Variants in DLGAP2 observed in about 807,000 individuals in gnomAD.
The protein encoded by DLGAP2 is DLG associated protein 2.
DLGAP2 carries 26 observed loss-of-function variants against 100.3 expected under a neutral mutation model. The ratio of observed to expected loss-of-function variants is 0.26; its 90% CI spans 0.19 to 0.36. DLGAP2 has a LOEUF of 0.36. Ranked by LOEUF, DLGAP2 falls within the 10% of genes least tolerant of loss-of-function variation. The pLI is 1.00. For missense variants in DLGAP2, 1,858 were observed against 1,453.2 expected (o/e 1.28, Z -4.53); for synonymous variants, 886 against 630.1 (o/e 1.41, Z -6.08).
At chr8:1,441,566 T>C (rs1225128666) in intron 3 of DLGAP2, among the ~76,000 whole-genome samples, 1 of 151,400 alleles carries the variant, frequency 6.6e-6, no homozygotes, top group Non-Finnish European at 1.5e-5. Context: ...TGGGCACCTG[T>C]GGTCCCAGCT....
chr8:764,864 A>T lies in DLGAP2; in HGVS notation c.18+27039A>T, dbSNP rs1342681270. 3.9e-5 allele frequency among the ~76,000 whole-genome samples: 6 copies of T among 152,314 alleles called. No individual in the cohort carries two copies. In the East Asian group the frequency reaches 9.6e-4, roughly 24 times the overall value. ...GAACTTTAAAAAAATTTGTACCAAA[A>T]TTTACCTATAAATCCAGATGTTTCA... On this transcript the variant is annotated intron_variant, in intron 1 of 14. Transcript: ENST00000637795.
chr8:1,656,585 C>T (rs1798290371), intron 8 of DLGAP2, among the ~76,000 whole-genome samples: 1 of 152,186 alleles, frequency 6.6e-6, no homozygotes, highest in African/African-American at 2.4e-5. Context: ...GGCTCAATTC[C>T]AGATACATCT....
At chr8:1,364,416 C>G (rs538441504) in intron 3 of DLGAP2, among the ~76,000 whole-genome samples, 2 of 152,048 alleles carry the variant, frequency 1.3e-5, no homozygotes, top group Non-Finnish European at 2.9e-5. Context: ...GCCTGGGGGC[C>G]TCCTCCACCC....
intron 1 of DLGAP2, among the ~76,000 whole-genome samples, chr8:877,796 G>T (rs935597181): frequency 6.6e-6 from 1 of 152,138 alleles, no homozygotes; most frequent in African/African-American, 2.4e-5. Context: ...ATGAGGTTTG[G>T]CTCCTTTGGA....
intron 3 of DLGAP2, among the ~76,000 whole-genome samples, chr8:1,288,977 A>C (rs1274320855): frequency 6.6e-6 from 1 of 152,220 alleles, no homozygotes; most frequent in African/African-American, 2.4e-5. Flanking sequence ...TTTATGCATT[A>C]GAGTTACTGA....
At chr8:1,441,837 G>T (rs1360741152) in intron 3 of DLGAP2, among the ~76,000 whole-genome samples, 1 of 151,354 alleles carries the variant, frequency 6.6e-6, no homozygotes, top group African/African-American at 2.4e-5. Context: ...GGATGTGCAG[G>T]ACATGCAGGT....
At chr8:776,681 G>A (rs1013612867) in intron 1 of DLGAP2, among the ~76,000 whole-genome samples, 4 of 152,202 alleles carry the variant, frequency 2.6e-5, no homozygotes, top group African/African-American at 9.7e-5. Flanking sequence ...TCTTAATCCT[G>A]ACTTCTAGTT....
At chr8:765,284 T>G (rs1283581893) in intron 1 of DLGAP2, among the ~76,000 whole-genome samples, 1 of 152,254 alleles carries the variant, frequency 6.6e-6, no homozygotes, top group Non-Finnish European at 1.5e-5. Flanking sequence ...TAAAATGATC[T>G]GATAATGTAT....
intron 2 of DLGAP2, among the ~76,000 whole-genome samples, chr8:1,074,189 G>A (rs532134325): frequency 4.7e-5 from 7 of 148,416 alleles, no homozygotes; most frequent in African/African-American, 1.8e-4. Context: ...TAACAGAAGG[G>A]TTTGCAGCAG....
intron 4 of DLGAP2, among the ~76,000 whole-genome samples, chr8:1,509,811 C>T (rs1190751072): frequency 6.6e-6 from 1 of 152,156 alleles, no homozygotes; most frequent in Non-Finnish European, 1.5e-5. Context: ...TGTTCAATGT[C>T]AGTTTTTACC....
intron 4 of DLGAP2, among the ~76,000 whole-genome samples, chr8:1,533,978 A>G (rs1394977495): frequency 6.6e-6 from 1 of 152,184 alleles, no homozygotes; most frequent in Non-Finnish European, 1.5e-5. Context: ...CTATGAATAC[A>G]TATTTCAAAA....
chr8:1,078,784 C>T (rs1037793264), intron 2 of DLGAP2, among the ~76,000 whole-genome samples: 3 of 152,256 alleles, frequency 2.0e-5, no homozygotes, highest in South Asian at 2.1e-4. Flanking sequence ...TCTGAATGTA[C>T]CATAGTTTAT....
chr8:905,782 T>C (rs1040589971), intron 1 of DLGAP2, among the ~76,000 whole-genome samples: 5 of 152,120 alleles, frequency 3.3e-5, no homozygotes, highest in African/African-American at 7.2e-5. Flanking sequence ...TGGCAGACCA[T>C]AGCTTGGGGT....
intron 2 of DLGAP2, chr8:1,137,676 G>A (rs74516215): frequency 1.4e-4 from 21 of 152,114 alleles, no homozygotes; most frequent in African/African-American, 5.1e-4. Flanking sequence ...TAAGAACATG[G>A]GCTGCAACTT....
At chr8:1,594,448 G>A (rs554209766) in intron 6 of DLGAP2, among the ~76,000 whole-genome samples, 78 of 152,206 alleles carry the variant, frequency 5.1e-4, no homozygotes, top group African/African-American at 1.8e-3. Flanking sequence ...TAATTGACCT[G>A]AAAATTTTAC....
chr8:1,320,487 G>A (rs537261850), intron 3 of DLGAP2, among the ~76,000 whole-genome samples: 8 of 152,308 alleles, frequency 5.3e-5, no homozygotes, highest in East Asian at 3.9e-4. Flanking sequence ...ATCAGGAGCC[G>A]GGCAGACGGG....
chr8:1,431,895 T>C (rs1483981629), intron 3 of DLGAP2, among the ~76,000 whole-genome samples: 3 of 152,124 alleles, frequency 2.0e-5, no homozygotes, highest in Non-Finnish European at 4.4e-5. Flanking sequence ...CCAGCACCGC[T>C]ACGGCTGCCA....
intron 2 of DLGAP2, among the ~76,000 whole-genome samples, chr8:1,071,263 G>T (rs1329709820): frequency 2.0e-5 from 3 of 152,182 alleles, no homozygotes; most frequent in African/African-American, 7.2e-5. Context: ...GACTACACTT[G>T]TCACCTTTTT....
chr8:1,026,472 C>T (rs146103562), intron 2 of DLGAP2, among the ~76,000 whole-genome samples: 192 of 152,288 alleles, frequency 1.3e-3, no homozygotes, highest in African/African-American at 3.3e-3. Context: ...GTGCCTGCTC[C>T]GACCTGCTCC....
Sources: allele counts gnomAD v4.1 joint callset (sites outside exome capture counted in the v4.1 genomes callset), GRCh38; gene constraint gnomAD v4.1.1; transcripts MANE v1.5; gene names NCBI Gene and HGNC (gene_info 2026-07-23, HGNC 2026-07-21).